Variants in EPB41L2 observed in about 807,000 individuals in gnomAD.
EPB41L2 encodes erythrocyte membrane protein band 4.1 like 2, also known as band 4.1-like protein 2.
EPB41L2 carries 43 observed loss-of-function variants against 113.0 expected under a neutral mutation model. The ratio of observed to expected loss-of-function variants is 0.38; its 90% CI spans 0.30 to 0.49. The LOEUF is 0.49. EPB41L2 is among the 20% of genes least tolerant of loss of function. The probability of loss-of-function intolerance (pLI) is 0.95; values close to 1 mark genes in which losing one functional copy is unlikely to be tolerated. For missense variants in EPB41L2, 1,147 were observed against 1,223.4 expected, an observed-to-expected ratio of 0.94 and a Z score of 0.93; for synonymous variants, 442 against 436.7, an observed-to-expected ratio of 1.01 and a Z score of -0.15.
chr6:130,879,833 A>G (rs1221682772), intron 13 of EPB41L2, among the ~76,000 whole-genome samples: 1 of 152,230 alleles, frequency 6.6e-6, no homozygotes, highest in African/African-American at 2.4e-5. Context: ...TTGATGCCCT[A>G]GAGTTAACCC....
chr6:130,844,291 G>A, intron 19 of EPB41L2, among the ~76,000 whole-genome samples: 1 of 152,194 alleles, frequency 6.6e-6, no homozygotes. Context: ...GGCTGGGCAT[G>A]GTGGCTGACG....
At chr6:131,016,808 T>C (rs1788335842) in intron 1 of EPB41L2, among the ~76,000 whole-genome samples, 1 of 147,884 alleles carries the variant, frequency 6.8e-6, no homozygotes, top group Non-Finnish European at 1.5e-5. Context: ...AGACTCTCTG[T>C]CTCTAAAAGA....
chr6:130,954,053 T>C (rs1309056330), intron 3 of EPB41L2, among the ~76,000 whole-genome samples: 27 of 101,450 alleles, frequency 2.7e-4, no homozygotes, highest in Admixed American at 9.3e-4. Context: ...TTTTTTTTTT[T>C]TTTTTTTTTT....
Position 130,858,250 on chromosome 6 carries a change from G to C in EPB41L2, c.2911-7C>G, listed in dbSNP as rs1296779917. 1 of 1,608,526 alleles carries C rather than the reference G, an allele frequency of 6.2e-7. No individual in the cohort carries two copies. Among genetic ancestry groups the C allele is most frequent in the Non-Finnish European group, 8.5e-7 (1 of 1,177,204 alleles). ...TGATCGCCTGAGCCAGTGCCTGCCAGGGTCAGGACAGAGAACGGCTGTGAG... is the reference window on the plus strand; with the variant it reads ...TGATCGCCTGAGCCAGTGCCTGCCACGGTCAGGACAGAGAACGGCTGTGAG... On this transcript the variant is annotated splice_polypyrimidine_tract_variant and splice_region_variant and intron_variant, in intron 18 of 19. Transcript: ENST00000337057.
intron 1 of EPB41L2, among the ~76,000 whole-genome samples, chr6:131,053,503 C>CTT (rs1381878190): frequency 6.6e-6 from 1 of 150,486 alleles, no homozygotes; most frequent in Non-Finnish European, 1.5e-5. Context: ...AAGCTCCCTG[C>CTT]TTCTAGTCAG....
intron 6 of EPB41L2, among the ~76,000 whole-genome samples, chr6:130,902,727 C>A (rs1350346602): frequency 2.0e-5 from 3 of 152,170 alleles, no homozygotes; most frequent in Non-Finnish European, 2.9e-5. Context: ...TTGTTGCTTC[C>A]TTTTATATTA....
At chr6:130,952,338 T>C (rs1484609750) in intron 3 of EPB41L2, among the ~76,000 whole-genome samples, 1 of 87,414 alleles carries the variant, frequency 1.1e-5, no homozygotes, top group African/African-American at 3.0e-5. Flanking sequence ...CAAGGAAACA[T>C]GTCTTAAAAT....
chr6:130,858,380 G>T (rs1399340362), intron 18 of EPB41L2, 137 bp from the exon 19 acceptor site: 7 of 612,102 alleles, frequency 1.1e-5, no homozygotes, highest in Non-Finnish European at 1.7e-5. Context: ...GAGAAAGCAG[G>T]AAGATTTGAA....
At chr6:130,958,761 T>C (rs979576591) in intron 1 of EPB41L2, among the ~76,000 whole-genome samples, 2 of 152,120 alleles carry the variant, frequency 1.3e-5, no homozygotes, top group Non-Finnish European at 2.9e-5. Flanking sequence ...GAACTGGTAA[T>C]AATGAAGTAA....
At chr6:130,865,698 TCC>T in intron 16 of EPB41L2, 64 bp from the exon 17 acceptor site, 2 of 1,516,716 alleles carry the variant, frequency 1.3e-6, no homozygotes, top group Non-Finnish European at 1.8e-6. Context: ...TCAGAGAAGA[TCC>T]CCGCCCCATC....
chr6:130,921,027 C>T (rs1001873518), intron 4 of EPB41L2, among the ~76,000 whole-genome samples: 4 of 152,120 alleles, frequency 2.6e-5, no homozygotes, highest in South Asian at 2.1e-4. Flanking sequence ...TAGGACTTTT[C>T]CTCAACTCTC....
At chr6:130,895,265 GA>G (rs1163895847) in intron 8 of EPB41L2, 146 bp from the exon 9 acceptor site, 3 of 849,522 alleles carry the variant, frequency 3.5e-6, no homozygotes, top group African/African-American at 3.4e-5. Flanking sequence ...GCACGTTAAT[GA>G]AAACTATGGC....
chr6:131,059,162 T>C (rs1328868199), intron 1 of EPB41L2, among the ~76,000 whole-genome samples: 2 of 138,142 alleles, frequency 1.4e-5, no homozygotes, highest in Non-Finnish European at 3.0e-5. Context: ...TCACCCAGGC[T>C]GGCGTGCAGT....
intron 1 of EPB41L2, among the ~76,000 whole-genome samples, chr6:130,993,444 G>A (rs1409270285): frequency 6.6e-6 from 1 of 152,214 alleles, no homozygotes; most frequent in African/African-American, 2.4e-5. Flanking sequence ...AACAACACAA[G>A]GCGGTGTGTA....
chr6:130,894,105 T>A (rs1793823757), intron 10 of EPB41L2, among the ~76,000 whole-genome samples: 1 of 152,088 alleles, frequency 6.6e-6, no homozygotes, highest in South Asian at 2.1e-4. Flanking sequence ...GACAGTGGGT[T>A]AATGCATCTG....
At position 130,914,911 on chromosome 6, in the gene EPB41L2, T is replaced by G. The variant is rs74380213; in HGVS notation, c.811-6048A>C. On this transcript the variant is annotated intron_variant, in intron 4 of 19. Coordinates refer to ENST00000337057, the MANE Select transcript of EPB41L2 (RefSeq NM_001431.4). ...ATTTATCTCCTAAATGAACATCAGG[T>G]AAAATAAGAGACTAATAATAAAAGT... is the stretch of plus-strand genomic sequence containing the variant. 0.02 allele frequency among the ~76,000 whole-genome samples: 3,028 copies of G among 152,072 alleles called. 197 individuals carry two copies. The East Asian group carries it at 0.26, about 13-fold the overall frequency.
intron 1 of EPB41L2, among the ~76,000 whole-genome samples, chr6:131,025,324 A>C (rs1790608611): frequency 6.6e-6 from 1 of 152,234 alleles, no homozygotes; most frequent in South Asian, 2.1e-4. Flanking sequence ...TTTTATTATT[A>C]ATCATGAAAC....
chr6:130,908,447 T>C (rs1003282908), intron 5 of EPB41L2, among the ~76,000 whole-genome samples: 2 of 152,178 alleles, frequency 1.3e-5, no homozygotes, highest in African/African-American at 4.8e-5. Flanking sequence ...ATGTGCATAT[T>C]GAACTAATTA....
chr6:130,944,935 G>A (rs1164789817), intron 3 of EPB41L2, among the ~76,000 whole-genome samples: 3 of 151,994 alleles, frequency 2.0e-5, no homozygotes, highest in South Asian at 2.1e-4. Flanking sequence ...TACATGGCAC[G>A]GCAGTCTTTT....
Sources: allele counts gnomAD v4.1 joint callset (sites outside exome capture counted in the v4.1 genomes callset), GRCh38; gene constraint gnomAD v4.1.1; transcripts MANE v1.5; gene names NCBI Gene and HGNC (gene_info 2026-07-23, HGNC 2026-07-21).